Variants in SPATA6L observed in about 807,000 individuals in gnomAD.
SPATA6L encodes the protein spermatogenesis associated 6 like.
In SPATA6L, 68 loss-of-function variants were observed where a neutral mutation model predicts 49.2. That is an observed-to-expected ratio of 1.38 (90% CI 1.14 to 1.69). The LOEUF is 1.69. Ranked by LOEUF, SPATA6L falls within the 40% of genes most tolerant of loss-of-function variation. The pLI, the probability that SPATA6L is intolerant of heterozygous loss-of-function variation, is 0.00. For synonymous variants in SPATA6L, 198 were observed against 165.7 expected (o/e 1.19, Z -1.50); for missense variants, 668 against 464.3 (o/e 1.44, Z -4.03).
chr9:4,612,504 A>G (rs1279679656), intron 9 of SPATA6L, among the ~76,000 whole-genome samples: 2 of 152,094 alleles, frequency 1.3e-5, no homozygotes, highest in Non-Finnish European at 2.9e-5. Flanking sequence ...GTTCAGTTCA[A>G]TTGTTGAGTT....
chr9:4,642,621 T>A (rs1834281804), intron 3 of SPATA6L, among the ~76,000 whole-genome samples: 1 of 152,192 alleles, frequency 6.6e-6, no homozygotes, highest in Admixed American at 6.5e-5. Context: ...AGGACTATGA[T>A]CCCTATCAAA....
At chr9:4,607,439 G>A (rs1367751844) in intron 9 of SPATA6L, among the ~76,000 whole-genome samples, 16 of 152,256 alleles carry the variant, frequency 1.1e-4, no homozygotes, top group South Asian at 2.1e-4. Context: ...GACTAACAGC[G>A]GATCTCTTGG....
At chr9:4,613,820 G>C (rs944909951) in intron 9 of SPATA6L, among the ~76,000 whole-genome samples, 1 of 152,112 alleles carries the variant, frequency 6.6e-6, no homozygotes, top group African/African-American at 2.4e-5. Flanking sequence ...CTGACCTCAA[G>C]TGATCCACCC....
In SPATA6L at chr9:4,661,508, A is replaced by ATT. The variant is rs34299991; in HGVS notation, c.177+389_177+390dup. Among the ~76,000 whole-genome samples the ATT allele has an allele frequency of 2.4e-3, 358 of 151,084 alleles. 3 individuals carry two copies. Among genetic ancestry groups the ATT allele is most frequent in the Admixed American group, 0.017 (256 of 15,158 alleles). ...GTTACAGGATTTAACTAATTTCATT[A>ATT]TTTTTTTTTCGCTATTTTTCTTGGT... is the stretch of plus-strand genomic sequence containing the variant. On this transcript the variant is annotated intron_variant, in intron 2 of 11. Coordinates refer to ENST00000682582, the MANE Select transcript of SPATA6L (RefSeq NM_001353486.2).
Position 4,605,430 on chromosome 9 carries a change from C to G in SPATA6L, c.1006G>C (p.Gly336Arg), listed in dbSNP as rs367842706. The G allele has an allele frequency of 9.9e-6, 16 of 1,613,636 alleles. No individual in the cohort carries two copies. The highest frequency in any genetic ancestry group is 6.7e-5 in the African/African-American group (5 of 74,874). ...QPLLRERFHP[G>R]SQSTWKNIHE... Reference sequence around the variant, plus strand: ...ATATTCTTCCATGTGGACTGAGAACCAGGATGGAACCTGCTCAACAGATGG... The same window carrying G: ...ATATTCTTCCATGTGGACTGAGAACGAGGATGGAACCTGCTCAACAGATGG... The change falls in exon 10 of 12, where the codon GGT becomes CGT. Residue 336 changes from glycine (G) to arginine (R), a missense_variant. By Grantham distance (125) the Gly-to-Arg change is moderately radical. Transcript: ENST00000682582.
intron 9 of SPATA6L, 133 bp from the exon 10 acceptor site, chr9:4,605,573 G>T (rs920518857): frequency 6.5e-6 from 4 of 612,726 alleles, no homozygotes; most frequent in African/African-American, 5.5e-5. Flanking sequence ...GGTAAACATA[G>T]TGTGATTTCA....
intron 2 of SPATA6L, among the ~76,000 whole-genome samples, chr9:4,660,089 C>G (rs1839253179): frequency 6.6e-6 from 1 of 152,200 alleles, no homozygotes; most frequent in African/African-American, 2.4e-5. Context: ...AGAAGAAAAC[C>G]TAAGCAATAC....
chr9:4,659,366 T>A (rs557531053), intron 2 of SPATA6L, among the ~76,000 whole-genome samples: 2 of 152,150 alleles, frequency 1.3e-5, no homozygotes, highest in African/African-American at 4.8e-5. Context: ...ATCACAAGCA[T>A]TCCTATACAC....
intron 3 of SPATA6L, among the ~76,000 whole-genome samples, chr9:4,637,073 C>A (rs4742033): frequency 2.0e-5 from 3 of 152,008 alleles, no homozygotes; most frequent in Non-Finnish European, 4.4e-5. Flanking sequence ...TCTAAGCACC[C>A]TACCCTAGAT....
chr9:4,604,270 C>T lies in SPATA6L; in HGVS notation c.1090-1G>A. ...AATTTACTTCAGAGGTAGAATCTTC[C>T]TACAATAAAAACAAATCCAGCAATT... On this transcript the variant is annotated splice_acceptor_variant, in intron 10 of 11. Transcript: ENST00000682582. LOFTEE classifies it high-confidence loss of function. The T allele has an allele frequency of 6.3e-7, 1 of 1,595,356 alleles. No homozygotes were observed. The highest frequency in any genetic ancestry group is 8.6e-7 in the Non-Finnish European group (1 of 1,164,344).
chr9:4,622,507 C>T lies in SPATA6L; in HGVS notation c.673G>A (p.Asp225Asn), dbSNP rs761960409. The change falls in exon 7 of 12, where the codon GAC (aspartate) becomes AAC (asparagine). Residue 225 changes from aspartate to asparagine, a missense_variant. Asp to Asn is a conservative substitution (Grantham distance 23, BLOSUM62 1). Coordinates refer to ENST00000682582, the MANE Select transcript of SPATA6L (RefSeq NM_001353486.2). ...TTCTCACCAAAGGGCTTTGCACTGT[C>T]CACCTGAAAGTAAAGGAAAGAAATA... Reference protein sequence around the residue: ...SKPPFVVRHVDSAKPFGENIS... With the variant: ...SKPPFVVRHVNSAKPFGENIS... The T allele has an allele frequency of 1.9e-6, 3 of 1,605,798 alleles. No homozygotes were observed. Among genetic ancestry groups the T allele is most frequent in the Non-Finnish European group, 8.5e-7 (1 of 1,174,228 alleles).
chr9:4,622,181 C>G (rs80112673), intron 7 of SPATA6L, among the ~76,000 whole-genome samples: 1 of 152,220 alleles, frequency 6.6e-6, no homozygotes, highest in Admixed American at 6.5e-5. Flanking sequence ...CTCAGCACGC[C>G]GCTCAGAACG....
chr9:4,595,780 T>G (rs370947585), downstream of SPATA6L, among the ~76,000 whole-genome samples: 2 of 152,224 alleles, frequency 1.3e-5, no homozygotes, highest in East Asian at 3.8e-4. Flanking sequence ...TATTATTAAG[T>G]TAATCAATAT....
intron 9 of SPATA6L, among the ~76,000 whole-genome samples, chr9:4,610,073 G>A (rs1418281523): frequency 6.6e-6 from 1 of 151,956 alleles, no homozygotes; most frequent in Non-Finnish European, 1.5e-5. Context: ...AAAATACCTA[G>A]GAATCCAACT....
intron 1 of SPATA6L, 108 bp downstream of exon 1, chr9:4,666,101 AATG>A (rs1156440263): frequency 5.3e-6 from 5 of 943,886 alleles, no homozygotes; most frequent in Non-Finnish European, 8.7e-6. Flanking sequence ...CCCAGAAGAT[AATG>A]ATGTGTTTGT....
chr9:4,644,220 T>C (rs1260644659), intron 3 of SPATA6L, among the ~76,000 whole-genome samples: 1 of 86,854 alleles, frequency 1.2e-5, no homozygotes, highest in African/African-American at 4.6e-5. Flanking sequence ...AAAAAAAAAA[T>C]GTAGCTGGGC....
At position 4,662,407 on chromosome 9, in the gene SPATA6L, G is replaced by T; in HGVS notation, c.40-371C>A. The stretch of plus-strand genomic sequence containing the variant: ...AGTCCCCGGAGGAGCATGGAGGGAC[G>T]GCCGCTGGGCGTCTCCGCTTCGAGC... On this transcript the variant is annotated intron_variant, in intron 1 of 11. Transcript: ENST00000682582. The surrounding 1 kb of genome is among the most constrained non-coding windows in gnomAD (Gnocchi z 4.9). 2.6e-6 allele frequency: 4 copies of T among 1,535,704 alleles called. No homozygotes were observed. The highest frequency in any genetic ancestry group is 3.5e-6 in the Non-Finnish European group (4 of 1,149,024).
In SPATA6L at chr9:4,650,229, C is replaced by A. The variant is rs143030343; in HGVS notation, c.226+5812G>T. Among the ~76,000 whole-genome samples the A allele has an allele frequency of 3.3e-5, 5 of 152,272 alleles. No individual in the cohort carries two copies. In the East Asian group the frequency reaches 9.6e-4, roughly 29 times the overall value. ...AGCCTGCTCCCATTCTGACTTCTAC[C>A]CAGTATGGCCTCAGCTCACTTGGTA... On this transcript the variant is annotated intron_variant, in intron 3 of 11. Transcript: ENST00000682582.
chr9:4,605,799 C>T (rs911294834), intron 9 of SPATA6L, among the ~76,000 whole-genome samples: 23 of 152,222 alleles, frequency 1.5e-4, no homozygotes, highest in African/African-American at 3.9e-4. Context: ...ATCCGGTTTT[C>T]GGGGAGAGCC....
Sources: gnomAD v4.1 joint callset for allele counts (sites outside exome capture counted in the v4.1 genomes callset) on GRCh38, gnomAD v4.1.1 for gene constraint, Gnocchi (gnomAD v3.1) non-coding constraint, MANE v1.5 for transcripts, NCBI Gene and HGNC (gene_info 2026-07-23, HGNC 2026-07-21) for gene names.